The following GUCY1A2 variants were observed in gnomAD, a reference collection of about 807,000 sequenced individuals.
The protein encoded by GUCY1A2 is guanylate cyclase soluble subunit alpha-2.
GUCY1A2 carries 27 observed loss-of-function variants against 63.5 expected under a neutral mutation model. That is an observed-to-expected ratio of 0.43 (90% CI 0.31 to 0.59). The LOEUF is 0.59. Among genes scored for constraint, GUCY1A2 ranks in the 20% least tolerant of loss-of-function variants. The probability of loss-of-function intolerance (pLI) is 0.11; values close to 1 mark genes in which losing one functional copy is unlikely to be tolerated. For missense variants in GUCY1A2, 768 were observed against 913.3 expected, an observed-to-expected ratio of 0.84 and a Z score of 2.05; for synonymous variants, 364 against 343.5, an observed-to-expected ratio of 1.06 and a Z score of -0.66.
At chr11:106,722,683 C>G (rs544624033) in intron 6 of GUCY1A2, among the ~76,000 whole-genome samples, 27 of 152,088 alleles carry the variant, frequency 1.8e-4, no homozygotes, top group African/African-American at 6.3e-4. Context: ...TCATCGATCC[C>G]ATTCAAGCAA....
At chr11:106,700,357 A>G (rs1862797849) in intron 7 of GUCY1A2, among the ~76,000 whole-genome samples, 1 of 152,172 alleles carries the variant, frequency 6.6e-6, no homozygotes, top group Non-Finnish European at 1.5e-5. Context: ...TTTTTAAAAA[A>G]TTGGGAAGGC....
chr11:106,746,196 A>G (rs902369867), intron 6 of GUCY1A2, among the ~76,000 whole-genome samples: 1 of 152,064 alleles, frequency 6.6e-6, no homozygotes, highest in East Asian at 1.9e-4. Context: ...TGGAGGGAAA[A>G]AAAAAAGCTT....
At chr11:106,989,092 C>T (rs1861438582) in intron 1 of GUCY1A2, among the ~76,000 whole-genome samples, 1 of 152,186 alleles carries the variant, frequency 6.6e-6, no homozygotes, top group Admixed American at 6.5e-5. Flanking sequence ...TGAAAACATG[C>T]AGACTGTCTA....
intron 4 of GUCY1A2, among the ~76,000 whole-genome samples, chr11:106,929,992 T>G (rs1347478610): frequency 2.0e-5 from 3 of 152,206 alleles, no homozygotes; most frequent in Non-Finnish European, 4.4e-5. Context: ...CAGATATGCC[T>G]TTTAAATATT....
At chr11:106,854,092 C>T (rs1859393640) in intron 4 of GUCY1A2, among the ~76,000 whole-genome samples, 2 of 152,162 alleles carry the variant, frequency 1.3e-5, no homozygotes, top group African/African-American at 4.8e-5. Context: ...CCAGTAATGG[C>T]TGTGGGGTGA....
intron 6 of GUCY1A2, among the ~76,000 whole-genome samples, chr11:106,712,714 A>G (rs1268530935): frequency 6.6e-6 from 1 of 152,180 alleles, no homozygotes; most frequent in African/African-American, 2.4e-5. Flanking sequence ...ACAGTGTTTC[A>G]TGAAGGGCTA....
intron 5 of GUCY1A2, among the ~76,000 whole-genome samples, chr11:106,806,205 G>T (rs889019473): frequency 5.9e-5 from 9 of 152,102 alleles, no homozygotes; most frequent in Admixed American, 5.9e-4. Context: ...CTATGTACCA[G>T]ATGGTATTCT....
chr11:106,981,796 G>A (rs1256131608), intron 2 of GUCY1A2, among the ~76,000 whole-genome samples: 1 of 151,498 alleles, frequency 6.6e-6, no homozygotes, highest in African/African-American at 2.4e-5. Flanking sequence ...ACTGCAGTTA[G>A]AACACGAACT....
At chr11:106,696,955 C>A (rs745368134) in intron 7 of GUCY1A2, among the ~76,000 whole-genome samples, 7 of 152,068 alleles carry the variant, frequency 4.6e-5, no homozygotes, top group Non-Finnish European at 1.0e-4. Flanking sequence ...TTAGTTAAGT[C>A]GCTTAAATTC....
chr11:107,013,966 T>G (rs935850317), intron 1 of GUCY1A2, among the ~76,000 whole-genome samples: 2 of 151,638 alleles, frequency 1.3e-5, no homozygotes, highest in Non-Finnish European at 2.9e-5. Context: ...ACATAGATAC[T>G]ACAATATTTT....
intron 1 of GUCY1A2, among the ~76,000 whole-genome samples, chr11:106,991,364 T>G (rs911062987): frequency 3.3e-5 from 5 of 152,204 alleles, no homozygotes; most frequent in African/African-American, 1.2e-4. Context: ...AATGTAGGTA[T>G]ATATTTAATC....
intron 5 of GUCY1A2, among the ~76,000 whole-genome samples, chr11:106,781,843 C>T (rs1864470263): frequency 6.6e-6 from 1 of 152,016 alleles, no homozygotes; most frequent in Non-Finnish European, 1.5e-5. Context: ...GCTGGGATTA[C>T]AGGCATAAGC....
chr11:106,678,339 G>C lies in GUCY1A2; in HGVS notation c.*9210C>G, dbSNP rs917882900. The C allele has an allele frequency of 4.8e-6, 1 of 208,216 alleles. No homozygotes were observed. The highest frequency in any genetic ancestry group is 9.8e-6 in the Non-Finnish European group (1 of 102,348). The allele number at this position is 208,216 out of a possible 1,614,324, so 12.9% of individuals were successfully genotyped here. ...TTTTACCAAAAAAATTCAGAAGGAGGGTTTCACATTATTGATAAATCAACT... is the reference window on the plus strand; with the variant it reads ...TTTTACCAAAAAAATTCAGAAGGAGCGTTTCACATTATTGATAAATCAACT... On this transcript the variant is annotated 3_prime_UTR_variant, in exon 8 of 8. Transcript: ENST00000526355.
chr11:106,717,107 G>A (rs550077888), intron 6 of GUCY1A2, among the ~76,000 whole-genome samples: 2 of 152,292 alleles, frequency 1.3e-5, no homozygotes, highest in South Asian at 4.1e-4. Flanking sequence ...TCTGTTATTT[G>A]AGTCAGTGGA....
At position 106,944,215 on chromosome 11, in the gene GUCY1A2, C is replaced by CAAAAAAAAAAAAAAAAA. The variant is rs71041701; in HGVS notation, c.488-4054_488-4038dup. ...GGGCAACAGAGTGAGACCCTGTCTCCAAAAAAAAAAAAAAAAAAAAAGCAG... is the reference window on the plus strand; with the variant it reads ...GGGCAACAGAGTGAGACCCTGTCTCCAAAAAAAAAAAAAAAAAAAAAAAAAAAAAAAAAAAAAAGCAG... On this transcript the variant is annotated intron_variant, in intron 3 of 7. Coordinates refer to ENST00000526355, the MANE Select transcript of GUCY1A2 (RefSeq NM_000855.3). Among the ~76,000 whole-genome samples, 100 of 21,568 alleles carry CAAAAAAAAAAAAAAAAA rather than the reference C, an allele frequency of 4.6e-3. 26 individuals carry two copies. The highest frequency in any genetic ancestry group is 0.013 in the African/African-American group (54 of 4,300). 14.1% of individuals were successfully genotyped at this position (21,568 alleles called of 152,430 possible).
chr11:106,782,053 T>C (rs1024843606), intron 5 of GUCY1A2, among the ~76,000 whole-genome samples: 2 of 152,174 alleles, frequency 1.3e-5, no homozygotes, highest in African/African-American at 4.8e-5. Context: ...GGGGTCAGTA[T>C]TGAGGATAAG....
chr11:106,755,600 A>G (rs940032973), intron 6 of GUCY1A2, among the ~76,000 whole-genome samples: 2 of 152,076 alleles, frequency 1.3e-5, no homozygotes, highest in African/African-American at 4.8e-5. Context: ...TCATTTCGTT[A>G]TGTACCCAGT....
At chr11:106,821,110 C>A (rs1565300510) in intron 4 of GUCY1A2, among the ~76,000 whole-genome samples, 1 of 152,124 alleles carries the variant, frequency 6.6e-6, no homozygotes. Flanking sequence ...TTTTAAATCA[C>A]AGCAGGATTC....
intron 3 of GUCY1A2, among the ~76,000 whole-genome samples, chr11:106,961,038 A>C (rs891681897): frequency 3.3e-5 from 5 of 152,166 alleles, no homozygotes; most frequent in African/African-American, 1.2e-4. Flanking sequence ...CATATCCTGC[A>C]GACACAGCAT....
Sources: gnomAD v4.1 joint callset for allele counts (sites outside exome capture counted in the v4.1 genomes callset) on GRCh38, gnomAD v4.1.1 for gene constraint, MANE v1.5 for transcripts, NCBI Gene and HGNC (gene_info 2026-07-23, HGNC 2026-07-21) for gene names.